SHANK2: variants seen among roughly 807,000 people sequenced by gnomAD.
SHANK2 encodes SH3 and multiple ankyrin repeat domains 2.
Under a neutral mutation model 133.7 loss-of-function variants are expected in SHANK2, and 43 were observed. That is an observed-to-expected ratio of 0.32 (90% CI 0.25 to 0.41). SHANK2 has a LOEUF of 0.41. SHANK2 is among the 10% of genes least tolerant of loss of function. The pLI is 1.00. For synonymous variants in SHANK2, 1,017 were observed against 952.8 expected (o/e 1.07, Z -1.24); for missense variants, 1,994 against 2,235.8 (o/e 0.89, Z 2.18).
At chr11:70,752,016 T>C (rs1555037520) in intron 14 of SHANK2, among the ~76,000 whole-genome samples, 1 of 152,184 alleles carries the variant, frequency 6.6e-6, no homozygotes, top group East Asian at 1.9e-4. Flanking sequence ...ATATAAATAC[T>C]AACACATTAA....
intron 6 of SHANK2, among the ~76,000 whole-genome samples, chr11:71,106,389 C>G (rs1951801933): frequency 6.6e-6 from 1 of 152,122 alleles, no homozygotes; most frequent in Non-Finnish European, 1.5e-5. Context: ...ACTGCTTGAG[C>G]CCAGGAGTTT....
At chr11:70,618,003 G>C (rs1196692763) in intron 17 of SHANK2, among the ~76,000 whole-genome samples, 2 of 152,086 alleles carry the variant, frequency 1.3e-5, no homozygotes, top group Non-Finnish European at 2.9e-5. Context: ...ATAAAAAAAA[G>C]ATGTTTGATT....
chr11:70,527,331 A>G (rs2059412315), intron 17 of SHANK2, among the ~76,000 whole-genome samples: 2 of 151,842 alleles, frequency 1.3e-5, no homozygotes, highest in Admixed American at 1.3e-4. Context: ...GCCGGGCTGG[A>G]CTCACCCTGA....
intron 17 of SHANK2, among the ~76,000 whole-genome samples, chr11:70,640,943 T>C (rs2061170527): frequency 6.6e-6 from 1 of 152,188 alleles, no homozygotes; most frequent in African/African-American, 2.4e-5. Context: ...GCAAAGAGCC[T>C]CTTCGCTTGA....
Position 70,485,543 on chromosome 11 carries a change from G to A in SHANK2, c.4750C>T (p.Pro1584Ser). Residue 1584 changes from proline to serine, a missense_variant, in exon 25 of 26, where the codon CCC becomes TCC. Pro to Ser is a moderately conservative substitution (Grantham distance 74). Around this residue, in one of 5 missense-constraint regions of SHANK2, gnomAD observed 797 missense variants for 907.4 expected, o/e 0.88. Coordinates refer to ENST00000601538, the MANE Select transcript of SHANK2 (RefSeq NM_012309.5). The surrounding 1 kb of genome is among the most constrained non-coding windows in gnomAD (Gnocchi z 5.8). ...CCAGGCTGGGCACTGCCCGGCGGGG[G>A]CGGGGGAGCGGGCGGGGGGATAACA... ...SFVIPPPAPP[P>S]PPGSAQPGMA... is the part of the protein sequence containing the mutation. 3.1e-6 allele frequency: 5 copies of A among 1,612,838 alleles called. No homozygotes were observed. The highest frequency in any genetic ancestry group is 4.2e-6 in the Non-Finnish European group (5 of 1,180,016).
rs956574919 is a variant in SHANK2 at position 71,082,155 on chromosome 11, G to A, written c.913-6880C>T. On this transcript the variant is annotated intron_variant, in intron 8 of 25. Transcript: ENST00000601538. ...AGCCTGGTTCCAACACTGCTCCCAC[G>A]TCCCCTGGCCAGAATGAGCCACTCC... Among the ~76,000 whole-genome samples the A allele has an allele frequency of 4.5e-4, 68 of 152,312 alleles. 1 individual carries two copies. Among genetic ancestry groups the A allele is most frequent in the African/African-American group, 1.6e-3 (66 of 41,572 alleles).
At chr11:70,839,464 G>C (rs1231337355) in intron 11 of SHANK2, among the ~76,000 whole-genome samples, 2 of 152,224 alleles carry the variant, frequency 1.3e-5, no homozygotes, top group African/African-American at 4.8e-5. Context: ...TCAAAGGAGA[G>C]AGGGGAACAG....
At chr11:71,215,672 T>C (rs1291064631) in intron 2 of SHANK2, among the ~76,000 whole-genome samples, 1 of 151,930 alleles carries the variant, frequency 6.6e-6, no homozygotes, top group East Asian at 1.9e-4. Flanking sequence ...GCCCTGCTAA[T>C]GTCCTCGGAC....
chr11:70,939,863 T>A (rs1321641509), intron 10 of SHANK2, among the ~76,000 whole-genome samples: 4 of 152,214 alleles, frequency 2.6e-5, no homozygotes, highest in African/African-American at 9.6e-5. Flanking sequence ...GATCTTCAGA[T>A]GCAGAGACTA....
At chr11:70,678,048 C>T (rs1360729334) in intron 15 of SHANK2, among the ~76,000 whole-genome samples, 6 of 152,210 alleles carry the variant, frequency 3.9e-5, no homozygotes, top group Non-Finnish European at 8.8e-5. Flanking sequence ...CCAATTTTCC[C>T]AGGTCTTCAG....
At chr11:70,681,368 G>A (rs1037615575) in intron 15 of SHANK2, among the ~76,000 whole-genome samples, 6 of 152,226 alleles carry the variant, frequency 3.9e-5, no homozygotes, top group Non-Finnish European at 5.9e-5. Context: ...CCAAATTTCC[G>A]CCAGCCTCAG....
intron 11 of SHANK2, among the ~76,000 whole-genome samples, chr11:70,884,019 C>CCAGGAG (rs1403967940): frequency 6.6e-6 from 1 of 152,154 alleles, no homozygotes; most frequent in East Asian, 1.9e-4. Context: ...CTGCAGGGAG[C>CCAGGAG]CAGGAGCAGG....
At chr11:70,751,807 G>A (rs1946754364) in intron 14 of SHANK2, among the ~76,000 whole-genome samples, 1 of 151,796 alleles carries the variant, frequency 6.6e-6, no homozygotes, top group Non-Finnish European at 1.5e-5. Flanking sequence ...AGTAAACTGG[G>A]AAAAGCTACA....
chr11:70,823,506 AACTCAT>A (rs1948584033), intron 11 of SHANK2, among the ~76,000 whole-genome samples: 1 of 139,418 alleles, frequency 7.2e-6, no homozygotes. Context: ...GCATTGGCAG[AACTCAT>A]GAGGGACAGA....
At chr11:70,699,101 C>T (rs1555023054) in intron 14 of SHANK2, among the ~76,000 whole-genome samples, 1 of 152,168 alleles carries the variant, frequency 6.6e-6, no homozygotes, top group African/African-American at 2.4e-5. Flanking sequence ...AACAGGGCAG[C>T]CCGCTTGGCT....
chr11:70,574,673 G>A (rs2060093103), intron 17 of SHANK2, among the ~76,000 whole-genome samples: 1 of 151,836 alleles, frequency 6.6e-6, no homozygotes, highest in Non-Finnish European at 1.5e-5. Flanking sequence ...AGAGAAGGAG[G>A]GGCTGGCTCT....
In SHANK2 at chr11:70,805,036, CG is replaced by C. The variant is rs1213728708; in HGVS notation, c.1663+1965del. ...AGCCTGTCTGCAGCTCTGCCCCTCT[CG>C]GAGCATGGGTCAGTATGCCTGAGTG... is the stretch of plus-strand genomic sequence containing the variant. On this transcript the variant is annotated intron_variant, in intron 13 of 25. Transcript: ENST00000601538. Among the ~76,000 whole-genome samples, 10 of 152,348 alleles carry C rather than the reference CG, an allele frequency of 6.6e-5. No individual in the cohort carries two copies. The East Asian group carries it at 1.9e-3, about 29-fold the overall frequency.
At chr11:70,865,686 T>C (rs1412457364) in intron 11 of SHANK2, among the ~76,000 whole-genome samples, 1 of 152,202 alleles carries the variant, frequency 6.6e-6, no homozygotes, top group East Asian at 1.9e-4. Context: ...CACAGGACAC[T>C]GCCTCGCACC....
rs56199988 is a variant in SHANK2 at position 70,500,474 on chromosome 11, C to T, written c.2308+96G>A. 10,895 of 1,513,944 alleles carry T rather than the reference C, an allele frequency of 7.2e-3. 61 individuals are homozygous for T. The highest frequency in any genetic ancestry group is 8.1e-3 in the Non-Finnish European group (9,016 of 1,112,670). The allele number at this position is 1,513,944 out of a possible 1,614,324, so 93.8% of individuals were successfully genotyped here. A position where few individuals can be genotyped will look rare whatever the true frequency, so the allele number is the denominator to read the frequency against. On this transcript the variant is annotated intron_variant, in intron 21 of 25. Transcript: ENST00000601538. The surrounding 1 kb of genome is among the most constrained non-coding windows in gnomAD (Gnocchi z 4.5). The stretch of plus-strand genomic sequence containing the variant: ...AGCAGGAGAAGCCAACAAGGCTTTG[C>T]GACACATTTGAGACTTCACGGCATC...
Sources: gnomAD v4.1 joint callset for allele counts (sites outside exome capture counted in the v4.1 genomes callset) on GRCh38, gnomAD v4.1.1 for gene constraint, gnomAD v4.1.1 regional missense constraint, Gnocchi (gnomAD v3.1) non-coding constraint, MANE v1.5 for transcripts, NCBI Gene and HGNC (gene_info 2026-07-23, HGNC 2026-07-21) for gene names.